FAM13A: variants seen among roughly 807,000 people sequenced by gnomAD.
FAM13A encodes protein FAM13A.
Under a neutral mutation model 129.6 loss-of-function variants are expected in FAM13A, and 76 were observed. The observed-to-expected ratio is 0.59, with a 90% CI of 0.49 to 0.71. The LOEUF (loss-of-function observed/expected upper bound fraction) is 0.71. Among genes scored for constraint, FAM13A ranks in the 30% least tolerant of loss-of-function variants. The pLI is 0.00. For synonymous variants in FAM13A, 443 were observed against 449.9 expected, an observed-to-expected ratio of 0.98 and a Z score of 0.20; for missense variants, 1,108 against 1,249.3, an observed-to-expected ratio of 0.89 and a Z score of 1.70.
chr4:88,969,752 C>A (rs1017881808), intron 4 of FAM13A, among the ~76,000 whole-genome samples: 1 of 152,104 alleles, frequency 6.6e-6, no homozygotes, highest in Non-Finnish European at 1.5e-5. Flanking sequence ...CATTATTTTG[C>A]TCTTATTACT....
intron 6 of FAM13A, among the ~76,000 whole-genome samples, chr4:88,898,695 A>G (rs1746754244): frequency 6.6e-6 from 1 of 152,006 alleles, no homozygotes; most frequent in East Asian, 1.9e-4. Flanking sequence ...AAGTTGGGAG[A>G]ATATATTGTC....
At chr4:88,909,884 A>G (rs1162134626) in intron 5 of FAM13A, among the ~76,000 whole-genome samples, 2 of 152,212 alleles carry the variant, frequency 1.3e-5, no homozygotes, top group Non-Finnish European at 2.9e-5. Flanking sequence ...TGTATACTTT[A>G]TAAGAGTGAA....
At chr4:89,052,260 TTTTTTTC>T (rs35430874) in intron 1 of FAM13A, among the ~76,000 whole-genome samples, 81,383 of 141,238 alleles carry the variant, frequency 0.58, 23,606 homozygotes, top group Middle Eastern at 0.66. Context: ...CTTTCTTTTT[TTTTTTTC>T]TTTTTTCTTT....
intron 6 of FAM13A, among the ~76,000 whole-genome samples, chr4:88,887,125 A>G (rs1744555463): frequency 6.6e-6 from 1 of 152,022 alleles, no homozygotes; most frequent in South Asian, 2.1e-4. Context: ...GAATGATACA[A>G]CGGACTTTCG....
At chr4:88,877,268 A>G (rs533805336) in intron 6 of FAM13A, among the ~76,000 whole-genome samples, 3 of 152,192 alleles carry the variant, frequency 2.0e-5, no homozygotes, top group South Asian at 2.1e-4. Context: ...TAAACACCAT[A>G]AATATGTTTA....
At chr4:88,847,681 T>A (rs1014736418) in intron 7 of FAM13A, among the ~76,000 whole-genome samples, 40 of 152,188 alleles carry the variant, frequency 2.6e-4, no homozygotes, top group African/African-American at 9.4e-4. Flanking sequence ...ACGCCTGTAA[T>A]CCCAGCACTT....
intron 7 of FAM13A, among the ~76,000 whole-genome samples, chr4:88,836,021 A>G (rs1734749367): frequency 6.6e-6 from 1 of 152,154 alleles, no homozygotes; most frequent in African/African-American, 2.4e-5. Context: ...TTTGCATTAT[A>G]AATTATACAG....
At chr4:88,920,275 G>C (rs1019541051) in intron 5 of FAM13A, among the ~76,000 whole-genome samples, 1 of 152,282 alleles carries the variant, frequency 6.6e-6, no homozygotes, top group Non-Finnish European at 1.5e-5. Flanking sequence ...CCTGACCCCC[G>C]AGCAGCCTAA....
At chr4:89,045,841 T>C (rs1770767454) in intron 1 of FAM13A, among the ~76,000 whole-genome samples, 1 of 151,884 alleles carries the variant, frequency 6.6e-6, no homozygotes, top group Non-Finnish European at 1.5e-5. Context: ...CTGACCAACA[T>C]GGAGAAACCC....
At chr4:88,777,714 C>G (rs1722047619) in intron 11 of FAM13A, among the ~76,000 whole-genome samples, 1 of 152,164 alleles carries the variant, frequency 6.6e-6, no homozygotes, top group Admixed American at 6.5e-5. Flanking sequence ...TTTGGCTGTG[C>G]CGTGGGCCAG....
At chr4:89,054,600 T>A (rs915153277) in intron 1 of FAM13A, among the ~76,000 whole-genome samples, 1 of 152,130 alleles carries the variant, frequency 6.6e-6, no homozygotes, top group Non-Finnish European at 1.5e-5. Flanking sequence ...AGAGTGACTC[T>A]CTCTGGAATT....
chr4:88,754,658 T>A (rs890221473), intron 14 of FAM13A, among the ~76,000 whole-genome samples: 5 of 152,166 alleles, frequency 3.3e-5, no homozygotes, highest in African/African-American at 9.6e-5. Flanking sequence ...GGAAGAATTT[T>A]AAAAAATTTT....
chr4:89,004,556 C>T (rs950556306), intron 3 of FAM13A, among the ~76,000 whole-genome samples: 7 of 152,096 alleles, frequency 4.6e-5, no homozygotes, highest in Middle Eastern at 3.2e-3. Context: ...TCTTTTTTCC[C>T]TTTTCCTTCT....
chr4:88,925,857 G>A (rs80303382), intron 5 of FAM13A, among the ~76,000 whole-genome samples: 2,006 of 152,156 alleles, frequency 0.013, 42 homozygotes, highest in African/African-American at 0.046. Flanking sequence ...GAGAAAGAAA[G>A]TGCCACAAGA....
In FAM13A at chr4:88,790,628, C is replaced by T. The variant is rs1342631350; in HGVS notation, c.1050-1G>A. On this transcript the variant is annotated splice_acceptor_variant, in intron 8 of 23. Coordinates refer to ENST00000264344, the MANE Select transcript of FAM13A (RefSeq NM_014883.4). LOFTEE classifies it high-confidence loss of function. ...ATTGCTGACTTGGGGTACATGAGCACTGCAGAAAAGAAGCAAAGAGAAAGT... is the reference window on the plus strand; with the variant it reads ...ATTGCTGACTTGGGGTACATGAGCATTGCAGAAAAGAAGCAAAGAGAAAGT... The T allele has an allele frequency of 1.2e-6, 2 of 1,610,492 alleles. No homozygotes were observed. The highest frequency in any genetic ancestry group is 2.2e-5 in the South Asian group (2 of 90,728).
At position 88,781,275 on chromosome 4, in the gene FAM13A, C is replaced by A. The variant is rs144044982; in HGVS notation, c.1348G>T (p.Glu450Ter). 6.2e-7 allele frequency: 1 copy of A among 1,612,904 alleles called. No individual in the cohort carries two copies. Among genetic ancestry groups the A allele is most frequent in the Non-Finnish European group, 8.5e-7 (1 of 1,179,308 alleles). ...CCAAAAGTATTTTTGTGTACCTTTT[C>A]GACTTCCTGAGTATTCAAAATACAA... ...DDCILNTQEV[E>*]KVHKNTFGCA... Residue 450 changes from glutamate (E) to a stop codon, truncating the protein, a stop_gained, in exon 11 of 24, where the codon GAA (glutamate) becomes TAA (stop). Transcript: ENST00000264344. LOFTEE classifies it high-confidence loss of function.
rs202077968 is a variant in FAM13A, at chr4:88,787,744, C to T, written c.1271+9G>A. On this transcript the variant is annotated intron_variant, in intron 10 of 23. Coordinates refer to ENST00000264344, the MANE Select transcript of FAM13A (RefSeq NM_014883.4). ...ACTCAAGTAAGAGGAAGAATCAATG[C>T]CAACTCACTTGTCTCTCCCATGTCG... is the stretch of plus-strand genomic sequence containing the variant. The T allele has an allele frequency of 1.1e-4, 177 of 1,608,392 alleles. No homozygotes were observed. In the East Asian group the frequency reaches 3.7e-3, roughly 34 times the overall value.
At chr4:88,813,375 T>C (rs1433643164) in intron 7 of FAM13A, among the ~76,000 whole-genome samples, 2 of 152,190 alleles carry the variant, frequency 1.3e-5, no homozygotes, top group African/African-American at 2.4e-5. Flanking sequence ...GAGGCAGTAA[T>C]TTAGAACGTA....
intron 5 of FAM13A, among the ~76,000 whole-genome samples, chr4:88,918,318 C>T (rs1314665759): frequency 1.3e-5 from 2 of 152,174 alleles, no homozygotes; most frequent in African/African-American, 4.8e-5. Flanking sequence ...CTTCTAAGTG[C>T]TTATTACACA....
Sources: gnomAD v4.1 joint callset for allele counts (sites outside exome capture counted in the v4.1 genomes callset) on GRCh38, gnomAD v4.1.1 for gene constraint, MANE v1.5 for transcripts, NCBI Gene and HGNC (gene_info 2026-07-23, HGNC 2026-07-21) for gene names.